The following PLAA variants were observed in gnomAD, a reference collection of about 807,000 sequenced individuals.
The protein encoded by PLAA is phospholipase A2 activating protein.
In PLAA, 48 loss-of-function variants were observed where a neutral mutation model predicts 84.1. The observed-to-expected ratio is 0.57, with a 90% CI of 0.45 to 0.73. The LOEUF is 0.73. PLAA is among the 30% of genes least tolerant of loss of function. The probability of loss-of-function intolerance (pLI) is 0.00; values close to 1 mark genes in which losing one functional copy is unlikely to be tolerated. For synonymous variants in PLAA, 392 were observed against 336.6 expected, an observed-to-expected ratio of 1.16 and a Z score of -1.80; for missense variants, 903 against 954.7, an observed-to-expected ratio of 0.95 and a Z score of 0.71.
In PLAA at chr9:26,926,488, C is replaced by A. The variant is rs1295978111; in HGVS notation, c.638G>T (p.Ser213Ile). The A allele has an allele frequency of 6.2e-7, 1 of 1,612,862 alleles. No homozygotes were observed. The highest frequency in any genetic ancestry group is 1.3e-5 in the African/African-American group (1 of 74,902). ...GCCAGTGATTTGCCACCTTCTAATA[C>A]TAGCATCATTTGCACAGGAAAGAAA... ...TEFLSCANDA[S>I]IRRWQITGEC... The change falls in exon 5 of 14, where the codon AGT (serine) becomes ATT (isoleucine). Residue 213 changes from serine to isoleucine, a missense_variant. Physicochemically the swap from Ser to Ile is moderately radical, Grantham distance 142 (BLOSUM62 -2). Transcript: ENST00000397292.
rs746434651 is a variant in PLAA at position 26,928,326 on chromosome 9, C to T, written c.426G>A (p.Lys142=). The change falls in exon 3 of 14, where the codon AAG becomes AAA. Residue 142 remains lysine, a synonymous_variant. Coordinates refer to ENST00000397292, the MANE Select transcript of PLAA (RefSeq NM_001031689.3). ...DTTAKVWLND[K]CMMTLQGHTA... ...ACTGTACCTGCAAGGTCATCATGCACTTGTCATTCAGCCAGACTTTAGCAG... is the reference window on the plus strand; with the variant it reads ...ACTGTACCTGCAAGGTCATCATGCATTTGTCATTCAGCCAGACTTTAGCAG... 4.3e-6 allele frequency: 7 copies of T among 1,614,068 alleles called. 1 individual carries two copies. The Admixed American group carries it at 1.2e-4, about 27-fold the overall frequency.
At position 26,918,288 on chromosome 9, in the gene PLAA, A is replaced by ATTTTTTTTTTT. The variant is rs1185916022; in HGVS notation, c.1417+1011_1417+1021dup. On this transcript the variant is annotated intron_variant, in intron 9 of 13. Coordinates refer to ENST00000397292, the MANE Select transcript of PLAA (RefSeq NM_001031689.3). The stretch of plus-strand genomic sequence containing the variant: ...CCATCACACCTGGCTAATTTTTTGT[A>ATTTTTTTTTTT]TTTTTTTTTTTTTTTTTTTTTAGTA... 6.3e-5 allele frequency among the ~76,000 whole-genome samples: 6 copies of ATTTTTTTTTTT among 95,718 alleles called. 1 individual carries two copies. The highest frequency in any genetic ancestry group is 8.7e-5 in the Non-Finnish European group (4 of 45,768). 62.8% of individuals were successfully genotyped at this position (95,718 alleles called of 152,430 possible). A position where few individuals can be genotyped will look rare whatever the true frequency, so the allele number is the denominator to read the frequency against.
rs1439256889 is a variant in PLAA, at chr9:26,917,108, T to C, written c.1475A>G (p.Asp492Gly). 6.2e-7 allele frequency: 1 copy of C among 1,613,592 alleles called. No homozygotes were observed. Among genetic ancestry groups the C allele is most frequent in the African/African-American group, 1.3e-5 (1 of 74,930 alleles). The change falls in exon 10 of 14, where the codon GAT becomes GGT. Residue 492 changes from aspartate (D) to glycine (G), a missense_variant. Asp to Gly is a moderately conservative substitution (Grantham distance 94, BLOSUM62 -1). Transcript: ENST00000397292. ...SGSSNTLPTA[D>G]PFTGAGRYVP... ...AAACTACATCCCACCTGTAAAAGGA[T>C]CTGCTGTGGGTAGTGTGTTAGAAGA...
chr9:26,915,707 A>C, intron 10 of PLAA: 8 of 984,770 alleles, frequency 8.1e-6, no homozygotes, highest in Non-Finnish European at 9.6e-6. Flanking sequence ...TGTGTATGCT[A>C]TCTTGCATAT....
chr9:26,923,333 C>G lies in PLAA; in HGVS notation c.884G>C (p.Arg295Thr). ...TCGATCTTCTGATTCTGTAAACACTCTAATAATGCCATCACTGTAAGGAAA... is the reference window on the plus strand; with the variant it reads ...TCGATCTTCTGATTCTGTAAACACTGTAATAATGCCATCACTGTAAGGAAA... ...IVVGASDGII[R>T]VFTESEDRTA... is the part of the protein sequence containing the mutation. The change falls in exon 7 of 14, where the codon AGA becomes ACA. Residue 295 changes from arginine (R) to threonine (T), a missense_variant. Transcript: ENST00000397292. 6.2e-7 allele frequency: 1 copy of G among 1,606,248 alleles called. No homozygotes were observed. Among genetic ancestry groups the G allele is most frequent in the East Asian group, 2.2e-5 (1 of 44,728 alleles).
At position 26,926,491 on chromosome 9, in the gene PLAA, G is replaced by C. The variant is rs751587800; in HGVS notation, c.635C>G (p.Ala212Gly). The change falls in exon 5 of 14, where the codon GCT (alanine) becomes GGT (glycine). Residue 212 changes from alanine to glycine, a missense_variant. By Grantham distance (60) the Ala-to-Gly change is moderately conservative. Coordinates refer to ENST00000397292, the MANE Select transcript of PLAA (RefSeq NM_001031689.3). ...ETEFLSCAND[A>G]SIRRWQITGE... ...AGTGATTTGCCACCTTCTAATACTA[G>C]CATCATTTGCACAGGAAAGAAATTC... 1.2e-6 allele frequency: 2 copies of C among 1,612,520 alleles called. No homozygotes were observed. The highest frequency in any genetic ancestry group is 1.1e-5 in the South Asian group (1 of 91,014).
intron 12 of PLAA, among the ~76,000 whole-genome samples, chr9:26,909,682 G>A (rs529557308): frequency 7.9e-4 from 119 of 151,010 alleles, no homozygotes; most frequent in Admixed American, 2.1e-3. Flanking sequence ...GTGCAGTGGC[G>A]CGATCTCGGG....
intron 7 of PLAA, 91 bp from the exon 8 acceptor site, chr9:26,920,475 A>C (rs1824725523): frequency 1.4e-6 from 1 of 736,890 alleles, no homozygotes; most frequent in Non-Finnish European, 2.1e-6. Flanking sequence ...TAAAATTTAC[A>C]CATAAGAGAA....
Position 26,910,824 on chromosome 9 carries a change from A to G in PLAA, c.1556-385T>C, listed in dbSNP as rs535973548. Among the ~76,000 whole-genome samples the G allele has an allele frequency of 2.5e-4, 38 of 152,234 alleles. 2 individuals carry two copies. The South Asian group carries it at 7.5e-3, about 30-fold the overall frequency. The stretch of plus-strand genomic sequence containing the variant: ...AGGTGTGAGCCACCGAGCCTGGTCT[A>G]AGATTAAATCTAAATTATAAATTTT... On this transcript the variant is annotated intron_variant, in intron 11 of 13. Coordinates refer to ENST00000397292, the MANE Select transcript of PLAA (RefSeq NM_001031689.3).
At chr9:26,935,877 A>G (rs1040666131) in intron 1 of PLAA, among the ~76,000 whole-genome samples, 11 of 150,866 alleles carry the variant, frequency 7.3e-5, no homozygotes, top group Non-Finnish European at 1.3e-4. Context: ...TGTTATATAT[A>G]ATTATATATA....
At chr9:26,929,827 T>C (rs1825111069) in intron 2 of PLAA, among the ~76,000 whole-genome samples, 1 of 152,164 alleles carries the variant, frequency 6.6e-6, no homozygotes, top group Non-Finnish European at 1.5e-5. Context: ...CAGAGGAGAC[T>C]TTTGGATTGT....
rs953463753 is a variant in PLAA at position 26,947,151 on chromosome 9, G to A, written c.-106C>T. ...CGGCGGGAGAAGAGCCTGCAGGTAA[G>A]GGGCGGCCGGAGACCGGAAGAGCCC... On this transcript the variant is annotated 5_prime_UTR_variant, in exon 1 of 14. Transcript: ENST00000397292. 8 of 1,318,518 alleles carry A rather than the reference G, an allele frequency of 6.1e-6. No individual in the cohort carries two copies. Among genetic ancestry groups the A allele is most frequent in the Non-Finnish European group, 7.9e-6 (8 of 1,009,690 alleles). The allele number at this position is 1,318,518 out of a possible 1,614,324, so 81.7% of individuals were successfully genotyped here. A position where few individuals can be genotyped will look rare whatever the true frequency, so the allele number is the denominator to read the frequency against.
chr9:26,941,292 G>C (rs1339180229), intron 1 of PLAA, among the ~76,000 whole-genome samples: 1 of 151,786 alleles, frequency 6.6e-6, no homozygotes, highest in African/African-American at 2.4e-5. Context: ...TTGAATGGGG[G>C]GACATAAGGA....
At chr9:26,943,062 C>G (rs966823343) in intron 1 of PLAA, among the ~76,000 whole-genome samples, 6 of 151,950 alleles carry the variant, frequency 3.9e-5, no homozygotes, top group Admixed American at 6.5e-5. Flanking sequence ...AAGCATGGGT[C>G]GTTTTTCAAA....
chr9:26,905,670 A>G lies in PLAA; in HGVS notation c.2229T>C (p.Phe743=), dbSNP rs1824206973. ...GTGTTCCAAGAGCCACAAGAAGTCTAAAAGTGGCTTCTAGGTCTTGTACTA... is the reference window on the plus strand; with the variant it reads ...GTGTTCCAAGAGCCACAAGAAGTCTGAAAGTGGCTTCTAGGTCTTGTACTA... ...LEVVQDLEAT[F]RLLVALGTLI... is the part of the protein sequence containing the mutation. The change falls in exon 14 of 14, where the codon TTT becomes TTC. Residue 743 remains phenylalanine (F), a synonymous_variant. Coordinates refer to ENST00000397292, the MANE Select transcript of PLAA (RefSeq NM_001031689.3). The G allele has an allele frequency of 6.2e-7, 1 of 1,614,204 alleles. No individual in the cohort carries two copies.
At chr9:26,920,197 A>G (rs746333045) in intron 8 of PLAA, 30 bp downstream of exon 8, 17 of 1,584,198 alleles carry the variant, frequency 1.1e-5, no homozygotes, top group Non-Finnish European at 1.5e-5. Flanking sequence ...ATTTAAGACA[A>G]TAGTAATTAG....
Position 26,905,811 on chromosome 9 carries a change from C to G in PLAA, c.2088G>C (p.Lys696Asn), listed in dbSNP as rs1049445907. The G allele has an allele frequency of 1.2e-6, 2 of 1,614,204 alleles. No individual in the cohort carries two copies. The highest frequency in any genetic ancestry group is 1.7e-6 in the Non-Finnish European group (2 of 1,180,030). The change falls in exon 14 of 14, where the codon AAG (lysine) becomes AAC (asparagine). Residue 696 changes from lysine (K) to asparagine (N), a missense_variant. By Grantham distance (94) the Lys-to-Asn change is moderately conservative. Coordinates refer to ENST00000397292, the MANE Select transcript of PLAA (RefSeq NM_001031689.3). The stretch of plus-strand genomic sequence containing the variant: ...ATGTAGCCAGAGCAATGTGAATGTT[C>G]TTATTGCTCCCTGATTTCAGTTCTA... ...HAIELKSGSN[K>N]NIHIALATLA...
chr9:26,905,489 T>G lies in PLAA; in HGVS notation c.*22A>C, dbSNP rs904558857. On this transcript the variant is annotated 3_prime_UTR_variant, in exon 14 of 14. Transcript: ENST00000397292. ...GAAAAAAACACTAATCAATTAAAAA[T>G]ATCCGTCCCTCTTCCCCACTGCTAC... 1.3e-5 allele frequency: 20 copies of G among 1,510,756 alleles called. No individual in the cohort carries two copies. The highest frequency in any genetic ancestry group is 1.8e-5 in the Non-Finnish European group (20 of 1,109,240). The allele number at this position is 1,510,756 out of a possible 1,614,324, so 93.6% of individuals were successfully genotyped here. A position where few individuals can be genotyped will look rare whatever the true frequency, so the allele number is the denominator to read the frequency against.
chr9:26,915,522 ACAT>A (rs1824522225), intron 10 of PLAA: 1 of 232,138 alleles, frequency 4.3e-6, no homozygotes, highest in Non-Finnish European at 7.1e-6. Flanking sequence ...AGTTGGGAAA[ACAT>A]CATCATCAAC....
Sources: gnomAD v4.1 joint callset for allele counts (sites outside exome capture counted in the v4.1 genomes callset) on GRCh38, gnomAD v4.1.1 for gene constraint, MANE v1.5 for transcripts, NCBI Gene and HGNC (gene_info 2026-07-23, HGNC 2026-07-21) for gene names.